Variants in NOVA1 observed in about 807,000 individuals in gnomAD.
NOVA1 encodes the protein NOVA alternative splicing regulator 1.
In NOVA1, 7 loss-of-function variants were observed where a neutral mutation model predicts 38.0. The ratio of observed to expected loss-of-function variants is 0.18; its 90% CI spans 0.10 to 0.35. NOVA1 has a LOEUF of 0.35. NOVA1 is among the 10% of genes least tolerant of loss of function. The pLI, the probability that NOVA1 is intolerant of heterozygous loss-of-function variation, is 1.00. For synonymous variants in NOVA1, 270 were observed against 232.5 expected (o/e 1.16, Z -1.47); for missense variants, 460 against 616.0 (o/e 0.75, Z 2.68).
At chr14:26,522,438 A>G (rs1888966736) in intron 2 of NOVA1, among the ~76,000 whole-genome samples, 2 of 152,294 alleles carry the variant, frequency 1.3e-5, no homozygotes, top group South Asian at 2.1e-4. Flanking sequence ...TATTGTTAAC[A>G]TGACTTCACT....
At chr14:26,517,958 T>C (rs895235158) in intron 2 of NOVA1, among the ~76,000 whole-genome samples, 1 of 152,100 alleles carries the variant, frequency 6.6e-6, no homozygotes, top group Admixed American at 6.6e-5. Context: ...GAAGCAGAAT[T>C]GGAAAAACAC....
intron 2 of NOVA1, among the ~76,000 whole-genome samples, chr14:26,590,395 C>T (rs1232041678): frequency 6.6e-6 from 1 of 151,902 alleles, no homozygotes; most frequent in African/African-American, 2.4e-5. Flanking sequence ...TAAAATATAG[C>T]TCCACTGAAC....
At chr14:26,466,194 A>G (rs528137743) in intron 4 of NOVA1, among the ~76,000 whole-genome samples, 34 of 152,308 alleles carry the variant, frequency 2.2e-4, no homozygotes, top group African/African-American at 8.2e-4. Flanking sequence ...GGTTGGGCCA[A>G]CATGAGTGAG....
chr14:26,473,046 C>A (rs1342286652), intron 3 of NOVA1, among the ~76,000 whole-genome samples: 1 of 151,676 alleles, frequency 6.6e-6, no homozygotes, highest in Non-Finnish European at 1.5e-5. Flanking sequence ...TAATAGCATT[C>A]TAACAAATCA....
intron 2 of NOVA1, among the ~76,000 whole-genome samples, chr14:26,512,905 T>C (rs1451656407): frequency 6.6e-6 from 1 of 152,170 alleles, no homozygotes; most frequent in East Asian, 1.9e-4. Flanking sequence ...TAAAAGGATC[T>C]ATTGTTTCTC....
chr14:26,458,717 A>G (rs1327452518), intron 4 of NOVA1, among the ~76,000 whole-genome samples: 2 of 152,020 alleles, frequency 1.3e-5, no homozygotes, highest in East Asian at 3.9e-4. Flanking sequence ...ATCGGGCACT[A>G]TGCTCACTAT....
intron 2 of NOVA1, among the ~76,000 whole-genome samples, chr14:26,539,962 C>CT (rs1311419790): frequency 1.3e-5 from 2 of 152,178 alleles, no homozygotes; most frequent in Non-Finnish European, 2.9e-5. Context: ...ATTGTGTCCT[C>CT]TTACTAGCAT....
chr14:26,563,566 GA>G (rs147925099), intron 2 of NOVA1, among the ~76,000 whole-genome samples: 7,338 of 151,730 alleles, frequency 0.048, 537 homozygotes, highest in African/African-American at 0.16. Context: ...TAAAATGAGA[GA>G]ACAGAACAGA....
At chr14:26,538,893 C>T (rs2138587259) in intron 2 of NOVA1, among the ~76,000 whole-genome samples, 1 of 152,292 alleles carries the variant, frequency 6.6e-6, no homozygotes, top group East Asian at 1.9e-4. Context: ...CCAACCCACA[C>T]AGCATTTCTT....
intron 4 of NOVA1, among the ~76,000 whole-genome samples, chr14:26,469,817 T>C (rs111775542): frequency 0.02 from 3,050 of 152,188 alleles, 101 homozygotes; most frequent in African/African-American, 0.069. Flanking sequence ...CCCAGGATGG[T>C]CTCAAACTCC....
chr14:26,566,971 C>A (rs1247899314), intron 2 of NOVA1, among the ~76,000 whole-genome samples: 8 of 152,210 alleles, frequency 5.3e-5, no homozygotes, highest in African/African-American at 1.7e-4. Context: ...CCGTTAATAT[C>A]TTCAAAACTA....
chr14:26,457,937 A>G (rs1883317368), intron 4 of NOVA1, among the ~76,000 whole-genome samples: 1 of 152,092 alleles, frequency 6.6e-6, no homozygotes, highest in Non-Finnish European at 1.5e-5. Context: ...GCTTTTAATT[A>G]AAAAGTTTTA....
At chr14:26,468,814 T>C (rs1222051233) in intron 4 of NOVA1, among the ~76,000 whole-genome samples, 4 of 152,214 alleles carry the variant, frequency 2.6e-5, no homozygotes, top group Non-Finnish European at 4.4e-5. Flanking sequence ...TTCAAACTTA[T>C]CAGTAAATAA....
Position 26,443,876 on chromosome 14 carries a change from G to A in NOVA1, c.*4083C>T, listed in dbSNP as rs1412804666. On this transcript the variant is annotated 3_prime_UTR_variant, in exon 5 of 5. Coordinates refer to ENST00000539517, the MANE Select transcript of NOVA1 (RefSeq NM_002515.3). ...GCTTGCCCTGTATTTAATGAGTGATGAATATTTCTCCTACTAACAGAGTAA... is the reference window on the plus strand; with the variant it reads ...GCTTGCCCTGTATTTAATGAGTGATAAATATTTCTCCTACTAACAGAGTAA... The A allele has an allele frequency of 6.6e-6, 1 of 151,920 alleles. No homozygotes were observed. The highest frequency in any genetic ancestry group is 2.4e-5 in the African/African-American group (1 of 41,390). 9.4% of individuals were successfully genotyped at this position (151,920 alleles called of 1,614,324 possible).
chr14:26,447,817 T>C lies in NOVA1; in HGVS notation c.*142A>G. 3.0e-6 allele frequency: 2 copies of C among 658,104 alleles called. No individual in the cohort carries two copies. Among genetic ancestry groups the C allele is most frequent in the African/African-American group, 1.8e-5 (1 of 54,706 alleles). 40.8% of individuals were successfully genotyped at this position (658,104 alleles called of 1,614,324 possible). On this transcript the variant is annotated 3_prime_UTR_variant, in exon 5 of 5. Coordinates refer to ENST00000539517, the MANE Select transcript of NOVA1 (RefSeq NM_002515.3). Reference sequence around the variant, plus strand: ...TGGTAAAACACATATTATTTACATATACACATTGTCAACATAGTCGCATTC... The same window carrying C: ...TGGTAAAACACATATTATTTACATACACACATTGTCAACATAGTCGCATTC...
intron 2 of NOVA1, among the ~76,000 whole-genome samples, chr14:26,575,719 C>T (rs1892798218): frequency 6.6e-6 from 1 of 151,698 alleles, no homozygotes; most frequent in South Asian, 2.1e-4. Context: ...TATCATTTAC[C>T]AGTAAGACAT....
intron 2 of NOVA1, among the ~76,000 whole-genome samples, chr14:26,579,259 T>C (rs77092939): frequency 0.096 from 14,604 of 152,042 alleles, 881 homozygotes; most frequent in East Asian, 0.24. Flanking sequence ...GGTTTCACCG[T>C]GTTGGCCAGG....
chr14:26,544,868 T>C (rs1443024395), intron 2 of NOVA1, among the ~76,000 whole-genome samples: 1 of 152,056 alleles, frequency 6.6e-6, no homozygotes, highest in Non-Finnish European at 1.5e-5. Context: ...AACTCTCTGC[T>C]TGCACCCTGA....
intron 2 of NOVA1, among the ~76,000 whole-genome samples, chr14:26,521,696 G>T (rs1888912025): frequency 6.6e-6 from 1 of 152,014 alleles, no homozygotes; most frequent in East Asian, 1.9e-4. Context: ...GAACAATTTA[G>T]TTGTAAAAGT....
Sources: gnomAD v4.1 joint callset for allele counts (sites outside exome capture counted in the v4.1 genomes callset) on GRCh38, gnomAD v4.1.1 for gene constraint, MANE v1.5 for transcripts, NCBI Gene and HGNC (gene_info 2026-07-23, HGNC 2026-07-21) for gene names.